Variants in PRMT8 observed in about 807,000 individuals in gnomAD.
PRMT8 encodes protein arginine methyltransferase 8.
A neutral mutation model predicts 47.1 loss-of-function variants in PRMT8; 7 were observed. The observed-to-expected ratio is 0.15, with a 90% CI of 0.08 to 0.28. The LOEUF is 0.28. PRMT8 is among the 10% of genes least tolerant of loss of function. The pLI is 1.00. For missense variants in PRMT8, 237 were observed against 505.4 expected, an observed-to-expected ratio of 0.47 and a Z score of 5.09; for synonymous variants, 188 against 186.5, an observed-to-expected ratio of 1.01 and a Z score of -0.07.
In PRMT8 at chr12:3,386,573, C is replaced by T. The variant is rs148202624; in HGVS notation, c.48+5131C>T. ...TCATTCTTCTGTCTGCCCGTTTGTC[C>T]ATCCATTTATCCATCCACTTAGCTA... On this transcript the variant is annotated intron_variant, in intron 1 of 9. Coordinates refer to the PRMT8 transcript ENST00000452611. 2.7e-3 allele frequency among the ~76,000 whole-genome samples: 405 copies of T among 152,228 alleles called. 2 individuals are homozygous for T. The highest frequency in any genetic ancestry group is 4.5e-3 in the Non-Finnish European group (308 of 68,020).
chr12:3,472,250 CTGTT>C (rs1421015639), intron 1 of PRMT8, among the ~76,000 whole-genome samples: 2 of 152,216 alleles, frequency 1.3e-5, no homozygotes, highest in Admixed American at 6.5e-5. Context: ...CCCAGGGCCT[CTGTT>C]TGCTTGACAT....
At chr12:3,549,342 C>T (rs867610629) in intron 2 of PRMT8, among the ~76,000 whole-genome samples, 2 of 152,108 alleles carry the variant, frequency 1.3e-5, no homozygotes, top group Non-Finnish European at 2.9e-5. Flanking sequence ...TAGGTAAAAG[C>T]GTTTGCTAAT....
intron 1 of PRMT8, among the ~76,000 whole-genome samples, chr12:3,476,163 A>G (rs1054418721): frequency 3.3e-5 from 5 of 152,194 alleles, no homozygotes; most frequent in African/African-American, 1.2e-4. Flanking sequence ...CTGGGAACCA[A>G]GCAATCTGAA....
chr12:3,512,161 A>G (rs1029709522), intron 1 of PRMT8, among the ~76,000 whole-genome samples: 3 of 152,142 alleles, frequency 2.0e-5, no homozygotes, highest in African/African-American at 7.2e-5. Context: ...TCAGCCAGCT[A>G]CACTAGACAC....
chr12:3,550,066 A>C lies in PRMT8; in HGVS notation c.392A>C (p.Lys131Thr). Residue 131 changes from lysine (K) to threonine (T), a missense_variant, in exon 3 of 10, where the codon AAG (lysine) becomes ACG (threonine). Around this residue, in one of 5 missense-constraint regions of PRMT8, gnomAD observed 151 missense variants for 341.1 expected, o/e 0.44. Coordinates refer to ENST00000382622, the MANE Select transcript of PRMT8 (RefSeq NM_019854.5). The surrounding 1 kb of genome is among the most constrained non-coding windows in gnomAD (Gnocchi z 5.1). ...GTGILSMFAA[K>T]AGAKKVFGIE... ...GGGATCCTTTCCATGTTCGCTGCCA[A>C]GGCAGGGGCCAAGAAGGTGTTTGGG... 6.2e-7 allele frequency: 1 copy of C among 1,614,222 alleles called. No homozygotes were observed. Among genetic ancestry groups the C allele is most frequent in the Admixed American group, 1.7e-5 (1 of 60,034 alleles).
intron 4 of PRMT8, among the ~76,000 whole-genome samples, chr12:3,567,980 G>C (rs1866754768): frequency 6.6e-6 from 1 of 151,896 alleles, no homozygotes; most frequent in Non-Finnish European, 1.5e-5. Context: ...GCTGAGGCAG[G>C]AGAATCGCTT....
intron 1 of PRMT8, among the ~76,000 whole-genome samples, chr12:3,432,349 A>G (rs754392532): frequency 6.6e-5 from 10 of 152,236 alleles, no homozygotes; most frequent in Non-Finnish European, 1.3e-4. Flanking sequence ...CATTCGGAGC[A>G]TTGGCTGACT....
At chr12:3,473,710 C>T (rs886076596) in intron 1 of PRMT8, among the ~76,000 whole-genome samples, 1 of 152,134 alleles carries the variant, frequency 6.6e-6, no homozygotes, top group Non-Finnish European at 1.5e-5. Context: ...CCCCCAAATC[C>T]TCTCCTTTAT....
At chr12:3,577,587 C>T (rs1471710984) in intron 7 of PRMT8, among the ~76,000 whole-genome samples, 3 of 152,218 alleles carry the variant, frequency 2.0e-5, no homozygotes, top group African/African-American at 4.8e-5. Flanking sequence ...GTCCAACCTG[C>T]ATCCTCTGGG....
chr12:3,476,067 G>A (rs1865209884), intron 1 of PRMT8, among the ~76,000 whole-genome samples: 1 of 152,156 alleles, frequency 6.6e-6, no homozygotes, highest in African/African-American at 2.4e-5. Context: ...TGAGTAACAG[G>A]TCCTAAGACT....
At chr12:3,465,214 AT>A (rs942625393) in intron 1 of PRMT8, among the ~76,000 whole-genome samples, 1 of 144,570 alleles carries the variant, frequency 6.9e-6, no homozygotes, top group African/African-American at 2.5e-5. Context: ...TTTTATATAT[AT>A]TTTATAAATA....
At chr12:3,427,038 G>A (rs763922111) in intron 1 of PRMT8, among the ~76,000 whole-genome samples, 1 of 151,952 alleles carries the variant, frequency 6.6e-6, no homozygotes, top group Non-Finnish European at 1.5e-5. Flanking sequence ...TTAAATGTGG[G>A]GACATCAGCA....
At chr12:3,543,205 G>A (rs917190536) in intron 2 of PRMT8, among the ~76,000 whole-genome samples, 3 of 152,164 alleles carry the variant, frequency 2.0e-5, no homozygotes, top group African/African-American at 7.2e-5. Context: ...CCATCTCATA[G>A]GTCCTTTAAT....
At chr12:3,423,937 G>A (rs2048954425) in intron 1 of PRMT8, among the ~76,000 whole-genome samples, 2 of 152,084 alleles carry the variant, frequency 1.3e-5, no homozygotes, top group Admixed American at 6.5e-5. Flanking sequence ...ATTTTTTTGA[G>A]CCGGGAATTC....
At chr12:3,586,467 A>C (rs1336635314) in intron 8 of PRMT8, among the ~76,000 whole-genome samples, 1 of 152,212 alleles carries the variant, frequency 6.6e-6, no homozygotes, top group African/African-American at 2.4e-5. Flanking sequence ...TTTTGCACAG[A>C]ATTCTACAAA....
At chr12:3,592,452 T>C in intron 9 of PRMT8, 100 bp downstream of exon 9, 19 of 1,341,816 alleles carry the variant, frequency 1.4e-5, no homozygotes, top group Non-Finnish European at 1.9e-5. Flanking sequence ...TCATGAACAG[T>C]CAGAAACTTA....
At chr12:3,454,726 T>G (rs1864955686) in intron 1 of PRMT8, among the ~76,000 whole-genome samples, 1 of 152,148 alleles carries the variant, frequency 6.6e-6, no homozygotes, top group South Asian at 2.1e-4. Flanking sequence ...GCACTTCGTG[T>G]TCACCGCGGG....
intron 1 of PRMT8, among the ~76,000 whole-genome samples, chr12:3,433,157 G>A (rs1455612033): frequency 6.6e-6 from 1 of 152,254 alleles, no homozygotes; most frequent in African/African-American, 2.4e-5. Context: ...TGGATGGAAA[G>A]TGGCCTCTTG....
At chr12:3,442,307 A>G (rs17779656) in intron 1 of PRMT8, among the ~76,000 whole-genome samples, 9,129 of 152,240 alleles carry the variant, frequency 0.06, 385 homozygotes, top group South Asian at 0.19. Flanking sequence ...AACCGAAAAA[A>G]CAGAAATACA....
Sources: gnomAD v4.1 joint callset for allele counts (sites outside exome capture counted in the v4.1 genomes callset) on GRCh38, gnomAD v4.1.1 for gene constraint, gnomAD v4.1.1 regional missense constraint, Gnocchi (gnomAD v3.1) non-coding constraint, MANE v1.5 for transcripts, NCBI Gene and HGNC (gene_info 2026-07-23, HGNC 2026-07-21) for gene names.